The following TYW1B variants were observed in gnomAD, a reference collection of about 807,000 sequenced individuals.
The protein encoded by TYW1B is tRNA-yW synthesizing protein 1 homolog B, also known as S-adenosyl-L-methionine-dependent tRNA 4-demethylwyosine synthase TYW1B.
TYW1B carries 73 observed loss-of-function variants against 86.9 expected under a neutral mutation model. That is an observed-to-expected ratio of 0.84 (90% confidence interval 0.70 to 1.02). The LOEUF is 1.02. Ranked by LOEUF, TYW1B falls within the 50% of genes least tolerant of loss-of-function variation. The pLI, the probability that TYW1B is intolerant of heterozygous loss-of-function variation, is 0.00. For synonymous variants in TYW1B, 248 were observed against 292.8 expected (o/e 0.85, Z 1.56); for missense variants, 637 against 827.4 (o/e 0.77, Z 2.82).
chr7:72,623,796 G>A lies in TYW1B; in HGVS notation c.1617+5091C>T, dbSNP rs142220349. 4.2e-3 allele frequency among the ~76,000 whole-genome samples: 635 copies of A among 152,124 alleles called. 4 individuals are homozygous for A. Among genetic ancestry groups the A allele is most frequent in the Middle Eastern group, 0.02 (6 of 294 alleles). The stretch of plus-strand genomic sequence containing the variant: ...GAGAGGTCTTATTATTATTATTGCT[G>A]TTGTTATTTATTAATTTTTTTTTGA... On this transcript the variant is annotated intron_variant, in intron 12 of 13. Coordinates refer to ENST00000620995, the MANE Select transcript of TYW1B (RefSeq NM_001145440.3).
At position 72,822,415 on chromosome 7, in the gene TYW1B, T is replaced by C. The variant is rs145455228; in HGVS notation, c.135+4440A>G. ...AAAAAAATTCAAGTATACAGAACAA[T>C]AGCTGAAAAAGATCCAAATAGTCAC... On this transcript the variant is annotated intron_variant, in intron 2 of 13. Coordinates refer to ENST00000620995, the MANE Select transcript of TYW1B (RefSeq NM_001145440.3). Among the ~76,000 whole-genome samples, 998 of 152,068 alleles carry C rather than the reference T, an allele frequency of 6.6e-3. 13 individuals are homozygous for C. The highest frequency in any genetic ancestry group is 0.021 in the African/African-American group (862 of 41,472).
At chr7:72,777,063 A>C (rs1787968167) in intron 7 of TYW1B, among the ~76,000 whole-genome samples, 1 of 152,178 alleles carries the variant, frequency 6.6e-6, no homozygotes, top group Non-Finnish European at 1.5e-5. Flanking sequence ...TAATAAGGTA[A>C]GACCACAAAA....
chr7:72,597,913 A>T (rs1392266463), intron 13 of TYW1B, among the ~76,000 whole-genome samples: 1 of 152,114 alleles, frequency 6.6e-6, no homozygotes, highest in Non-Finnish European at 1.5e-5. Flanking sequence ...CCTATCTCCT[A>T]TTATGAGCTG....
At chr7:72,807,382 A>T in intron 4 of TYW1B, 26 bp from the exon 5 acceptor site, 1 of 1,602,844 alleles carries the variant, frequency 6.2e-7, no homozygotes, top group Non-Finnish European at 8.5e-7. Context: ...AGATAGGCTA[A>T]AAGCACGGTT....
At chr7:72,657,094 G>C (rs1481859566) in intron 11 of TYW1B, among the ~76,000 whole-genome samples, 5 of 152,160 alleles carry the variant, frequency 3.3e-5, no homozygotes, top group Admixed American at 3.3e-4. Flanking sequence ...TCAAAATAAT[G>C]ATCTTGGGGA....
chr7:72,787,046 T>A (rs1585983128), intron 6 of TYW1B, among the ~76,000 whole-genome samples: 1 of 151,962 alleles, frequency 6.6e-6, no homozygotes, highest in African/African-American at 2.4e-5. Flanking sequence ...ATGGGGAATG[T>A]GTAAATGTAG....
intron 8 of TYW1B, among the ~76,000 whole-genome samples, chr7:72,743,618 C>G (rs782269810): frequency 6.6e-6 from 1 of 151,854 alleles, no homozygotes; most frequent in African/African-American, 2.4e-5. Context: ...CCGAGGTGGG[C>G]GGATCACCTG....
chr7:72,643,807 T>C (rs1468621622), intron 11 of TYW1B, among the ~76,000 whole-genome samples: 3 of 152,120 alleles, frequency 2.0e-5, no homozygotes. Context: ...AAAATCTAAA[T>C]GGTCCTACAA....
intron 9 of TYW1B, among the ~76,000 whole-genome samples, chr7:72,716,653 T>TGTTGTTGTTGTTGTTG (rs1180834944): frequency 6.7e-6 from 1 of 150,102 alleles, no homozygotes; most frequent in African/African-American, 2.5e-5. Context: ...TTGTTGTTGT[T>TGTTGTTGTTGTTGTTG]TTTGAGACAG....
At chr7:72,789,735 C>A (rs1291686960) in intron 6 of TYW1B, among the ~76,000 whole-genome samples, 1 of 151,794 alleles carries the variant, frequency 6.6e-6, no homozygotes, top group African/African-American at 2.4e-5. Context: ...CCTCAGGCTC[C>A]CAAAGTGCTG....
At chr7:72,754,910 C>T (rs142921912) in intron 7 of TYW1B, among the ~76,000 whole-genome samples, 29 of 152,112 alleles carry the variant, frequency 1.9e-4, no homozygotes, top group African/African-American at 6.7e-4. Context: ...GGGCAAAACA[C>T]AAATTTTGTA....
rs1813952593 is a variant in TYW1B at position 72,684,368 on chromosome 7, G to C, written c.1506+10319C>G. Among the ~76,000 whole-genome samples, 6 of 152,208 alleles carry C rather than the reference G, an allele frequency of 3.9e-5. No individual in the cohort carries two copies. The South Asian group carries it at 1.2e-3, about 32-fold the overall frequency. On this transcript the variant is annotated intron_variant, in intron 11 of 13. Coordinates refer to ENST00000620995, the MANE Select transcript of TYW1B (RefSeq NM_001145440.3). Reference sequence around the variant, plus strand: ...AAAGCCTTATCTATAGAAAAGGAAAGAATGATTTCAACTTCTACCCAGAAA... The same window carrying C: ...AAAGCCTTATCTATAGAAAAGGAAACAATGATTTCAACTTCTACCCAGAAA...
rs539000503 is a variant in TYW1B at position 72,744,909 on chromosome 7, T to A, written c.965-308A>T. 3.3e-5 allele frequency among the ~76,000 whole-genome samples: 5 copies of A among 152,360 alleles called. No homozygotes were observed. The East Asian group carries it at 7.7e-4, about 24-fold the overall frequency. On this transcript the variant is annotated intron_variant, in intron 7 of 13. Coordinates refer to ENST00000620995, the MANE Select transcript of TYW1B (RefSeq NM_001145440.3). ...ATAATATTAGTACAATAGTATATAA[T>A]GCTAGGAAACAGATAAAACAGACTC...
At chr7:72,634,431 C>T (rs1242164669) in intron 11 of TYW1B, among the ~76,000 whole-genome samples, 1 of 148,858 alleles carries the variant, frequency 6.7e-6, no homozygotes. Context: ...TCAAGCAATC[C>T]TCTTGCCTTG....
At chr7:72,681,143 A>G (rs1186866170) in intron 11 of TYW1B, among the ~76,000 whole-genome samples, 2 of 152,200 alleles carry the variant, frequency 1.3e-5, no homozygotes, top group African/African-American at 4.8e-5. Flanking sequence ...AAACCTTGGT[A>G]GCCTTGTTTC....
intron 5 of TYW1B, among the ~76,000 whole-genome samples, chr7:72,803,409 G>C (rs782079557): frequency 3.9e-5 from 6 of 152,038 alleles, no homozygotes; most frequent in Non-Finnish European, 7.4e-5. Context: ...AGACACATTT[G>C]CTGAGTATCT....
chr7:72,682,668 A>T (rs561680023), intron 11 of TYW1B, among the ~76,000 whole-genome samples: 274 of 152,314 alleles, frequency 1.8e-3, no homozygotes, highest in African/African-American at 6.3e-3. Context: ...CAAATTGAAA[A>T]ATCAACAACT....
chr7:72,799,647 A>C (rs1554475265), intron 6 of TYW1B, among the ~76,000 whole-genome samples: 1 of 151,728 alleles, frequency 6.6e-6, no homozygotes, highest in African/African-American at 2.4e-5. Flanking sequence ...TTGTATTTTT[A>C]GTAGAGACGG....
intron 6 of TYW1B, among the ~76,000 whole-genome samples, chr7:72,779,233 A>C (rs370303943): frequency 2.0e-5 from 3 of 152,234 alleles, no homozygotes; most frequent in African/African-American, 7.2e-5. Flanking sequence ...TAACATGAGA[A>C]TATCTCACAG....
Sources: allele counts gnomAD v4.1 joint callset (sites outside exome capture counted in the v4.1 genomes callset), GRCh38; gene constraint gnomAD v4.1.1; transcripts MANE v1.5; gene names NCBI Gene and HGNC (gene_info 2026-07-23, HGNC 2026-07-21).